LINGO2: variants seen among roughly 807,000 people sequenced by gnomAD.
LINGO2 encodes the protein leucine-rich repeat and immunoglobulin-like domain-containing nogo receptor-interacting protein 2.
LINGO2 carries 14 observed loss-of-function variants against 30.6 expected under a neutral mutation model. That is an observed-to-expected ratio of 0.46 (90% CI 0.30 to 0.72). The LOEUF is 0.72. Ranked by LOEUF, LINGO2 falls within the 30% of genes least tolerant of loss-of-function variation. The pLI is 0.07. For missense variants in LINGO2, 729 were observed against 751.7 expected (o/e 0.97, Z 0.35); for synonymous variants, 317 against 288.5 (o/e 1.10, Z -1.00).
intron 1 of LINGO2, among the ~76,000 whole-genome samples, chr9:28,559,175 G>A (rs1822908894): frequency 1.3e-5 from 2 of 152,110 alleles, no homozygotes; most frequent in Non-Finnish European, 2.9e-5. Context: ...TTTATTGGAA[G>A]AGTTGTGAGT....
chr9:28,785,680 ACACACG>A, the LINGO2 span, among the ~76,000 whole-genome samples: 63 of 69,832 alleles, frequency 9.0e-4, no homozygotes, highest in South Asian at 2.1e-3. Flanking sequence ...ACAAACACAC[ACACACG>A]CACACACACA....
intron 3 of LINGO2, among the ~76,000 whole-genome samples, chr9:28,345,329 T>G (rs1421901292): frequency 6.6e-6 from 1 of 152,096 alleles, no homozygotes; most frequent in Non-Finnish European, 1.5e-5. Context: ...TTGTGAAATA[T>G]CTCCTTTGCC....
chr9:29,154,011 A>G, the LINGO2 span, among the ~76,000 whole-genome samples: 2 of 152,218 alleles, frequency 1.3e-5, no homozygotes, highest in Non-Finnish European at 2.9e-5. Flanking sequence ...TGATGGAGTT[A>G]TAAGAGCCCA....
chr9:29,133,581 C>A, the LINGO2 span, among the ~76,000 whole-genome samples: 21 of 152,170 alleles, frequency 1.4e-4, no homozygotes, highest in Non-Finnish European at 2.9e-4. Context: ...TTCCTGACCC[C>A]TAGTCCATCA....
intron 4 of LINGO2, among the ~76,000 whole-genome samples, chr9:28,156,908 C>A (rs1378607343): frequency 6.6e-6 from 1 of 152,198 alleles, no homozygotes; most frequent in Non-Finnish European, 1.5e-5. Context: ...TTTCCATGGT[C>A]TTGGGCAGCT....
chr9:29,154,022 T>C, the LINGO2 span, among the ~76,000 whole-genome samples: 1 of 152,250 alleles, frequency 6.6e-6, no homozygotes, highest in African/African-American at 2.4e-5. Flanking sequence ...TAAGAGCCCA[T>C]GACAAACAAG....
chr9:28,062,807 G>A (rs1408020786), intron 4 of LINGO2, among the ~76,000 whole-genome samples: 4 of 151,006 alleles, frequency 2.6e-5, no homozygotes, highest in Non-Finnish European at 5.9e-5. Context: ...TTTTTGGTAC[G>A]TTCATAGAGG....
chr9:28,992,903 G>A, the LINGO2 span, among the ~76,000 whole-genome samples: 2 of 151,854 alleles, frequency 1.3e-5, no homozygotes, highest in South Asian at 2.1e-4. Context: ...ATGCCCACAA[G>A]AGTAAGCAGG....
At chr9:28,517,951 G>A (rs1256807855) in intron 1 of LINGO2, among the ~76,000 whole-genome samples, 5 of 152,086 alleles carry the variant, frequency 3.3e-5, no homozygotes, top group South Asian at 2.1e-4. Context: ...AAATTTGTTC[G>A]AACATAGCAG....
At chr9:28,841,992 T>C in the LINGO2 span, among the ~76,000 whole-genome samples, 2 of 151,904 alleles carry the variant, frequency 1.3e-5, no homozygotes, top group Non-Finnish European at 2.9e-5. Context: ...GGTTTAACTA[T>C]ACTGAAAACA....
At chr9:28,833,209 C>T in the LINGO2 span, among the ~76,000 whole-genome samples, 1 of 152,164 alleles carries the variant, frequency 6.6e-6, no homozygotes, top group African/African-American at 2.4e-5. Context: ...GCCTTCAATA[C>T]AGTGAACCCC....
intron 1 of LINGO2, among the ~76,000 whole-genome samples, chr9:28,667,358 A>T (rs1365393122): frequency 6.6e-6 from 1 of 152,152 alleles, no homozygotes; most frequent in East Asian, 1.9e-4. Flanking sequence ...TTTTCACCTG[A>T]CATCATTTAA....
At chr9:28,753,971 C>T in the LINGO2 span, among the ~76,000 whole-genome samples, 6 of 151,032 alleles carry the variant, frequency 4.0e-5, 2 homozygotes, top group African/African-American at 1.5e-4. Context: ...TGATTTTTTT[C>T]CACTTTAATT....
chr9:28,876,407 C>G, the LINGO2 span, among the ~76,000 whole-genome samples: 1 of 149,160 alleles, frequency 6.7e-6, no homozygotes, highest in Non-Finnish European at 1.5e-5. Context: ...CCACTCCCCG[C>G]ACCCAACAAC....
At chr9:28,374,704 C>G (rs555740258) in intron 2 of LINGO2, among the ~76,000 whole-genome samples, 91 of 152,148 alleles carry the variant, frequency 6.0e-4, no homozygotes, top group Non-Finnish European at 1.2e-3. Context: ...GATCACCCAC[C>G]ATGTATAAGC....
chr9:28,818,694 T>C, the LINGO2 span, among the ~76,000 whole-genome samples: 1 of 152,138 alleles, frequency 6.6e-6, no homozygotes, highest in Non-Finnish European at 1.5e-5. Context: ...CCTCAACTCA[T>C]TCTTTTATCA....
intron 4 of LINGO2, among the ~76,000 whole-genome samples, chr9:28,117,911 C>G (rs1469528178): frequency 6.6e-6 from 1 of 152,172 alleles, no homozygotes; most frequent in Non-Finnish European, 1.5e-5. Flanking sequence ...TAGCACAAGA[C>G]ATGGGGGCAG....
At chr9:28,646,373 C>T (rs1827838095) in intron 1 of LINGO2, among the ~76,000 whole-genome samples, 1 of 152,086 alleles carries the variant, frequency 6.6e-6, no homozygotes, top group Admixed American at 6.6e-5. Context: ...ACGGCTAAAG[C>T]TCCTTTCATA....
intron 4 of LINGO2, among the ~76,000 whole-genome samples, chr9:28,197,620 C>T (rs1246935052): frequency 6.6e-6 from 1 of 151,626 alleles, no homozygotes; most frequent in Non-Finnish European, 1.5e-5. Flanking sequence ...TGGAAGAAAA[C>T]CTGAATGAAT....
Sources: gnomAD v4.1 joint callset for allele counts (sites outside exome capture counted in the v4.1 genomes callset) on GRCh38, gnomAD v4.1.1 for gene constraint, MANE v1.5 for transcripts, NCBI Gene and HGNC (gene_info 2026-07-23, HGNC 2026-07-21) for gene names.